LRRTM3: variants seen among roughly 807,000 people sequenced by gnomAD.
LRRTM3 encodes the protein leucine-rich repeat transmembrane neuronal protein 3.
A neutral mutation model predicts 44.7 loss-of-function variants in LRRTM3; 24 were observed. The ratio of observed to expected loss-of-function variants is 0.54; its 90% CI spans 0.39 to 0.76. The LOEUF (loss-of-function observed/expected upper bound fraction) is 0.76. LRRTM3 is among the 30% of genes least tolerant of loss of function. The pLI, the probability that LRRTM3 is intolerant of heterozygous loss-of-function variation, is 0.00. For missense variants in LRRTM3, 587 were observed against 702.2 expected (o/e 0.84, Z 1.85); for synonymous variants, 277 against 278.7 (o/e 0.99, Z 0.06).
rs1260965582 is a variant in LRRTM3 at position 66,966,487 on chromosome 10, TTTTTTTTTCAGG to T, written c.1536+38036_1536+38047del. Among the ~76,000 whole-genome samples, 632 of 40,744 alleles carry T rather than the reference TTTTTTTTTCAGG, an allele frequency of 0.016. 37 individuals carry two copies. In the East Asian group the frequency reaches 0.38, roughly 24 times the overall value. 26.7% of individuals were successfully genotyped at this position (40,744 alleles called of 152,430 possible). ...GGGTTAACTCGGCTATGTAATATAT[TTTTTTTTTCAGG>T]ATATACCTTTCAGATTATTCAAAGA... On this transcript the variant is annotated intron_variant, in intron 2 of 2. Transcript: ENST00000361320.
intron 2 of LRRTM3, among the ~76,000 whole-genome samples, chr10:67,055,267 C>T (rs1191883909): frequency 6.6e-6 from 1 of 152,118 alleles, no homozygotes; most frequent in Admixed American, 6.6e-5. Flanking sequence ...ACCATTAGTA[C>T]AAGTATTAAA....
intron 2 of LRRTM3, among the ~76,000 whole-genome samples, chr10:66,959,524 G>A (rs1394515997): frequency 6.6e-6 from 1 of 152,134 alleles, no homozygotes; most frequent in Non-Finnish European, 1.5e-5. Flanking sequence ...TAAGGGCTCT[G>A]CCCCTGGTTA....
At chr10:66,933,226 A>G (rs147788892) in intron 2 of LRRTM3, among the ~76,000 whole-genome samples, 5 of 152,370 alleles carry the variant, frequency 3.3e-5, no homozygotes, top group African/African-American at 1.2e-4. Context: ...AGTCTAGAAC[A>G]TCGTCTTTGA....
At position 67,100,995 on chromosome 10, in the gene LRRTM3, A is replaced by T. The variant is rs1317091153; in HGVS notation, c.*3199A>T. On this transcript the variant is annotated 3_prime_UTR_variant, in exon 3 of 3. Transcript: ENST00000361320. ...TATATATTTGACATGTTGTTTAGTA[A>T]TCCCTATTTTAATTCAATTCTCCAT... Among the ~76,000 whole-genome samples, 1 of 151,734 alleles carries T rather than the reference A, an allele frequency of 6.6e-6. No homozygotes were observed. The highest frequency in any genetic ancestry group is 1.5e-5 in the Non-Finnish European group (1 of 67,798).
intron 2 of LRRTM3, among the ~76,000 whole-genome samples, chr10:67,045,928 T>C (rs1401784864): frequency 1.3e-5 from 2 of 152,190 alleles, no homozygotes; most frequent in East Asian, 3.8e-4. Context: ...GCACAAGAAC[T>C]TCTCGAGTAG....
intron 2 of LRRTM3, among the ~76,000 whole-genome samples, chr10:67,066,333 C>T (rs1013912298): frequency 2.0e-5 from 3 of 151,800 alleles, no homozygotes; most frequent in Non-Finnish European, 4.4e-5. Flanking sequence ...ACTGGGACTA[C>T]AGGTGTGCGC....
chr10:67,064,756 AG>A (rs1471495620), intron 2 of LRRTM3, among the ~76,000 whole-genome samples: 1 of 152,230 alleles, frequency 6.6e-6, no homozygotes, highest in Non-Finnish European at 1.5e-5. Context: ...TTCTTGAGTT[AG>A]GTATGGAAGA....
In LRRTM3 at chr10:66,928,218, C is replaced by T. The variant is rs1274689551; in HGVS notation, c.1302C>T (p.Ile434=). The T allele has an allele frequency of 6.2e-7, 1 of 1,614,044 alleles. No homozygotes were observed. The highest frequency in any genetic ancestry group is 8.5e-7 in the Non-Finnish European group (1 of 1,180,044). ...CGCTTTTCCTGTCCGTGCTCGTCAT[C>T]CTGCTGGTTATCTACGTGTCATGGA... ...SVALFLSVLV[I]LLVIYVSWKR... The change falls in exon 2 of 3, where the codon ATC becomes ATT. Residue 434 remains isoleucine, a synonymous_variant. Transcript: ENST00000361320.
chr10:67,065,284 A>G (rs1366666324), intron 2 of LRRTM3, among the ~76,000 whole-genome samples: 1 of 152,156 alleles, frequency 6.6e-6, no homozygotes, highest in African/African-American at 2.4e-5. Flanking sequence ...TCTCTGTTTC[A>G]TCATTTAAAA....
chr10:67,012,138 T>G (rs1397448044), intron 2 of LRRTM3, among the ~76,000 whole-genome samples: 1 of 152,228 alleles, frequency 6.6e-6, no homozygotes, highest in African/African-American at 2.4e-5. Flanking sequence ...TTATCCACTG[T>G]GCAGTGCACT....
Position 66,978,544 on chromosome 10 carries a change from A to AT in LRRTM3, c.1536+50092_1536+50093insT, listed in dbSNP as rs1323272590. On this transcript the variant is annotated intron_variant, in intron 2 of 2. Coordinates refer to ENST00000361320, the MANE Select transcript of LRRTM3 (RefSeq NM_178011.5). ...TCCATCTCAAAAAAAAAAAAAAAAA[A>AT]AAAAAAAAATATATATATATATATA... 9.0e-3 allele frequency among the ~76,000 whole-genome samples: 677 copies of AT among 75,490 alleles called. 11 individuals carry two copies. Among genetic ancestry groups the AT allele is most frequent in the Non-Finnish European group, 0.016 (544 of 34,466 alleles). The allele number at this position is 75,490 out of a possible 152,430, so 49.5% of individuals were successfully genotyped here.
chr10:66,982,319 T>A (rs1850487787), intron 2 of LRRTM3, among the ~76,000 whole-genome samples: 1 of 151,938 alleles, frequency 6.6e-6, no homozygotes, highest in Non-Finnish European at 1.5e-5. Context: ...GGCTTTGGAG[T>A]CAAACAGAAT....
Position 66,926,832 on chromosome 10 carries a change from A to T in LRRTM3, c.5-89A>T, listed in dbSNP as rs1194163748. 69 of 1,217,644 alleles carry T rather than the reference A, an allele frequency of 5.7e-5. 1 individual carries two copies. The South Asian group carries it at 1.0e-3, about 18-fold the overall frequency. The allele number at this position is 1,217,644 out of a possible 1,614,324, so 75.4% of individuals were successfully genotyped here. On this transcript the variant is annotated intron_variant, in intron 1 of 2. Transcript: ENST00000361320. Reference sequence around the variant, plus strand: ...AAGTGTTATTTAGATTTAAATTTTTAAAAATGAAAAATATATGCCTATTTT... The same window carrying T: ...AAGTGTTATTTAGATTTAAATTTTTTAAAATGAAAAATATATGCCTATTTT...
intron 2 of LRRTM3, chr10:67,012,943 T>C (rs1255936798): frequency 6.6e-6 from 1 of 152,186 alleles, no homozygotes; most frequent in Non-Finnish European, 1.5e-5. Context: ...TATCTTTTCA[T>C]GATTTTAAAA....
chr10:66,934,373 T>TATC (rs1158838127), intron 2 of LRRTM3, among the ~76,000 whole-genome samples: 1 of 152,096 alleles, frequency 6.6e-6, no homozygotes, highest in Non-Finnish European at 1.5e-5. Flanking sequence ...GTAATTCCTA[T>TATC]ATCACCAAAA....
At chr10:67,066,855 C>G (rs999719177) in intron 2 of LRRTM3, among the ~76,000 whole-genome samples, 1 of 152,126 alleles carries the variant, frequency 6.6e-6, no homozygotes, top group African/African-American at 2.4e-5. Context: ...TATTAAAAAT[C>G]TGCCTTTAAT....
chr10:67,003,788 G>C (rs905541558), intron 2 of LRRTM3, among the ~76,000 whole-genome samples: 1 of 152,168 alleles, frequency 6.6e-6, no homozygotes, highest in South Asian at 2.1e-4. Context: ...TACAAATTGA[G>C]AGGTTAATTT....
chr10:67,040,779 A>G (rs1854344649), intron 2 of LRRTM3, among the ~76,000 whole-genome samples: 1 of 152,140 alleles, frequency 6.6e-6, no homozygotes, highest in African/African-American at 2.4e-5. Context: ...AGCAGAATCC[A>G]TTCTCTGTGG....
At position 67,005,682 on chromosome 10, in the gene LRRTM3, C is replaced by CTTTTTTTTTTTTTTTTTTTTTTTTT. The variant is rs11369576; in HGVS notation, c.1536+77251_1536+77252insTTTTTTTTTTTTTTTTTTTTTTTTT. Among the ~76,000 whole-genome samples, 14 of 61,982 alleles carry CTTTTTTTTTTTTTTTTTTTTTTTTT rather than the reference C, an allele frequency of 2.3e-4. 3 individuals are homozygous for CTTTTTTTTTTTTTTTTTTTTTTTTT. The highest frequency in any genetic ancestry group is 2.0e-3 in the South Asian group (2 of 992). 40.7% of individuals were successfully genotyped at this position (61,982 alleles called of 152,430 possible). A position where few individuals can be genotyped will look rare whatever the true frequency, so the allele number is the denominator to read the frequency against. On this transcript the variant is annotated intron_variant, in intron 2 of 2. Coordinates refer to ENST00000361320, the MANE Select transcript of LRRTM3 (RefSeq NM_178011.5). ...AATGCTTTTGTTTATTTTACTCCAT[C>CTTTTTTTTTTTTTTTTTTTTTTTTT]TTTTTTTTTTTTTTTTTTTTTGAGA...
Sources: gnomAD v4.1 joint callset for allele counts (sites outside exome capture counted in the v4.1 genomes callset) on GRCh38, gnomAD v4.1.1 for gene constraint, MANE v1.5 for transcripts, NCBI Gene and HGNC (gene_info 2026-07-23, HGNC 2026-07-21) for gene names.